The following CYYR1 variants were observed in gnomAD, a reference collection of about 807,000 sequenced individuals.
The protein encoded by CYYR1 is cysteine and tyrosine rich 1.
CYYR1 carries 14 observed loss-of-function variants against 15.2 expected under a neutral mutation model. That is an observed-to-expected ratio of 0.92 (90% confidence interval 0.61 to 1.44). CYYR1 has a LOEUF of 1.44. Ranked by LOEUF, CYYR1 falls within the 40% of genes most tolerant of loss-of-function variation. CYYR1 has a pLI of 0.00. For missense variants in CYYR1, 228 were observed against 209.5 expected (o/e 1.09, Z -0.54); for synonymous variants, 80 against 77.4 (o/e 1.03, Z -0.18).
At chr21:26,474,015 G>A (rs554371764) in intron 3 of CYYR1, among the ~76,000 whole-genome samples, 48 of 150,162 alleles carry the variant, frequency 3.2e-4, no homozygotes, top group Middle Eastern at 3.4e-3. Context: ...ATGCCATGTT[G>A]GTTTTTTTTG....
chr21:26,478,187 A>G (rs2065127618), intron 3 of CYYR1: 10 of 1,543,708 alleles, frequency 6.5e-6, no homozygotes, highest in Admixed American at 2.0e-5. Flanking sequence ...TAGCTAAACT[A>G]TACGATATCT....
At chr21:26,500,415 A>G (rs918773961) in intron 2 of CYYR1, among the ~76,000 whole-genome samples, 2 of 152,136 alleles carry the variant, frequency 1.3e-5, no homozygotes, top group Non-Finnish European at 2.9e-5. Context: ...ATGGGCCACA[A>G]TAGGAGAGTC....
At chr21:26,570,829 T>A (rs992967120) in intron 1 of CYYR1, among the ~76,000 whole-genome samples, 7 of 152,172 alleles carry the variant, frequency 4.6e-5, no homozygotes, top group African/African-American at 1.7e-4. Flanking sequence ...TTGTTGCATG[T>A]ACAGATCTTG....
intron 2 of CYYR1, among the ~76,000 whole-genome samples, chr21:26,516,209 C>T (rs1401770928): frequency 6.6e-6 from 1 of 152,188 alleles, no homozygotes; most frequent in Non-Finnish European, 1.5e-5. Flanking sequence ...CTATTTAAAT[C>T]ACTCTGTAAT....
rs900960083 is a variant in CYYR1 at position 26,573,121 on chromosome 21, C to T, written c.-181G>A. 1.3e-6 allele frequency: 2 copies of T among 1,507,784 alleles called. No individual in the cohort carries two copies. The highest frequency in any genetic ancestry group is 1.8e-6 in the Non-Finnish European group (2 of 1,133,488). 93.4% of individuals were successfully genotyped at this position (1,507,784 alleles called of 1,614,324 possible). ...GGCCGGGCGCGTCCCGGGCCAGCGA[C>T]TGCGGGACTCCGCGGAGCTGGGGCG... On this transcript the variant is annotated 5_prime_UTR_variant, in exon 1 of 4. Transcript: ENST00000652641.
At chr21:26,487,095 C>G (rs992826714) in intron 2 of CYYR1, among the ~76,000 whole-genome samples, 2 of 151,868 alleles carry the variant, frequency 1.3e-5, no homozygotes, top group Non-Finnish European at 2.9e-5. Flanking sequence ...ATATTTTACA[C>G]CTATACAAAA....
At position 26,489,354 on chromosome 21, in the gene CYYR1, A is replaced by T. The variant is rs560618312; in HGVS notation, c.177-8925T>A. ...AGTTCAATGGTAAATGCTTTGATTG[A>T]TGAACAAAAAGTACCCTTTAAGAAC... On this transcript the variant is annotated intron_variant, in intron 2 of 3. Transcript: ENST00000652641. 5.3e-5 allele frequency among the ~76,000 whole-genome samples: 8 copies of T among 152,292 alleles called. No homozygotes were observed. The East Asian group carries it at 1.4e-3, about 26-fold the overall frequency.
chr21:26,536,438 A>G (rs1235800629), intron 2 of CYYR1, among the ~76,000 whole-genome samples: 1 of 152,204 alleles, frequency 6.6e-6, no homozygotes, highest in Non-Finnish European at 1.5e-5. Flanking sequence ...ATGTCAAATT[A>G]TAACATTTCA....
At chr21:26,532,280 A>G (rs1171517680) in intron 2 of CYYR1, among the ~76,000 whole-genome samples, 1 of 152,186 alleles carries the variant, frequency 6.6e-6, no homozygotes, top group Non-Finnish European at 1.5e-5. Flanking sequence ...AAAGGTGCCT[A>G]TAGACAACAT....
At chr21:26,508,059 T>C (rs1165483128) in intron 2 of CYYR1, among the ~76,000 whole-genome samples, 1 of 152,134 alleles carries the variant, frequency 6.6e-6, no homozygotes, top group Non-Finnish European at 1.5e-5. Context: ...AGACTATAAA[T>C]GAGACAATGT....
chr21:26,517,111 T>C (rs2065739811), intron 2 of CYYR1, among the ~76,000 whole-genome samples: 1 of 51,446 alleles, frequency 1.9e-5, no homozygotes, highest in Admixed American at 3.1e-4. Context: ...CGAGACTCCG[T>C]CTCAAAAAAA....
At chr21:26,555,789 G>A (rs1979733652) in intron 2 of CYYR1, among the ~76,000 whole-genome samples, 1 of 152,152 alleles carries the variant, frequency 6.6e-6, no homozygotes, top group African/African-American at 2.4e-5. Context: ...ACAGCTGGGA[G>A]ACACTGTGTT....
At chr21:26,553,014 C>T (rs148128997) in intron 2 of CYYR1, among the ~76,000 whole-genome samples, 2,486 of 152,098 alleles carry the variant, frequency 0.016, 28 homozygotes, top group Middle Eastern at 0.037. Context: ...TTGCTTTCTT[C>T]CTGAAGAACT....
rs1050128715 is a variant in CYYR1 at position 26,511,173 on chromosome 21, T to G, written c.177-30744A>C. ...TTCACATAGTAAACAGATATTTGCCTCAGTAGACACTTCACCCATTATTTT... is the reference window on the plus strand; with the variant it reads ...TTCACATAGTAAACAGATATTTGCCGCAGTAGACACTTCACCCATTATTTT... On this transcript the variant is annotated intron_variant, in intron 2 of 3. Coordinates refer to ENST00000652641, the MANE Select transcript of CYYR1 (RefSeq NM_001320768.2). Among the ~76,000 whole-genome samples the G allele has an allele frequency of 2.2e-4, 34 of 152,224 alleles. 1 individual carries two copies. Among genetic ancestry groups the G allele is most frequent in the African/African-American group, 8.2e-4 (34 of 41,466 alleles).
At position 26,490,341 on chromosome 21, in the gene CYYR1, G is replaced by C. The variant is rs561221232; in HGVS notation, c.177-9912C>G. Among the ~76,000 whole-genome samples, 20 of 151,838 alleles carry C rather than the reference G, an allele frequency of 1.3e-4. No homozygotes were observed. The South Asian group carries it at 4.2e-3, about 32-fold the overall frequency. ...ATATATATATATTGAGCATCACTAC[G>C]TGCTAGCACTATTCTGGGTACTACG... On this transcript the variant is annotated intron_variant, in intron 2 of 3. Transcript: ENST00000652641.
rs1471809576 is a variant in CYYR1, at chr21:26,468,640, A to G, written c.335-6T>C. On this transcript the variant is annotated splice_region_variant and splice_polypyrimidine_tract_variant and intron_variant, in intron 3 of 3. Coordinates refer to ENST00000652641, the MANE Select transcript of CYYR1 (RefSeq NM_001320768.2). ...ACCGTAGGGTGGTGGTCCTGCTGAA[A>G]AAGAAGGGGAAGAGAACATCAAGGA... is the stretch of plus-strand genomic sequence containing the variant. 1 of 1,589,982 alleles carries G rather than the reference A, an allele frequency of 6.3e-7. No homozygotes were observed. Among genetic ancestry groups the G allele is most frequent in the African/African-American group, 1.3e-5 (1 of 74,312 alleles).
intron 2 of CYYR1, among the ~76,000 whole-genome samples, chr21:26,512,064 T>C (rs1320544007): frequency 6.6e-6 from 1 of 152,106 alleles, no homozygotes; most frequent in Non-Finnish European, 1.5e-5. Flanking sequence ...TTTTCACATC[T>C]CTTTTTCCTC....
chr21:26,515,459 A>C (rs578008907), intron 2 of CYYR1, among the ~76,000 whole-genome samples: 1 of 152,220 alleles, frequency 6.6e-6, no homozygotes, highest in South Asian at 2.1e-4. Flanking sequence ...ACTGGCGTTC[A>C]AGTGATCCTC....
chr21:26,472,119 A>T (rs1414687381), intron 3 of CYYR1, among the ~76,000 whole-genome samples: 1 of 152,186 alleles, frequency 6.6e-6, no homozygotes, highest in Non-Finnish European at 1.5e-5. Context: ...TCTCTTAGTC[A>T]TTTGTGCGTA....
Sources: gnomAD v4.1 joint callset for allele counts (sites outside exome capture counted in the v4.1 genomes callset) on GRCh38, gnomAD v4.1.1 for gene constraint, MANE v1.5 for transcripts, NCBI Gene and HGNC (gene_info 2026-07-23, HGNC 2026-07-21) for gene names.